MYO15B: variants seen among roughly 807,000 people sequenced by gnomAD.
The protein encoded by MYO15B is myosin XVB, also known as myosin XVB pseudogene.
In MYO15B, 207 loss-of-function variants were observed where a neutral mutation model predicts 119.3. That is an observed-to-expected ratio of 1.73 (90% CI 1.55 to 1.95). The LOEUF (loss-of-function observed/expected upper bound fraction) is 1.95, where lower values mean the gene tolerates loss of function less well. Ranked by LOEUF, MYO15B falls within the 30% of genes most tolerant of loss-of-function variation. The pLI, the probability that MYO15B is intolerant of heterozygous loss-of-function variation, is 0.00. For missense variants in MYO15B, 2,264 were observed against 1,203.1 expected, an observed-to-expected ratio of 1.88 and a Z score of -13.04; for synonymous variants, 966 against 498.9, an observed-to-expected ratio of 1.94 and a Z score of -12.48.
intron 21 of MYO15B, among the ~76,000 whole-genome samples, chr17:75,606,523 G>T (rs1307048478): frequency 6.6e-6 from 1 of 151,690 alleles, no homozygotes; most frequent in Non-Finnish European, 1.5e-5. Flanking sequence ...GCCCAGGCTG[G>T]AGTGTAATGG....
In MYO15B at chr17:75,624,629, C is replaced by CAAAG; in HGVS notation, c.8534_8537dup (p.Lys2847ArgfsTer41). The CAAAG allele has an allele frequency of 2.8e-6, 2 of 702,926 alleles. No individual in the cohort carries two copies. The highest frequency in any genetic ancestry group is 5.2e-6 in the Non-Finnish European group (2 of 384,980). The allele number at this position is 702,926 out of a possible 1,614,324, so 43.5% of individuals were successfully genotyped here. A position where few individuals can be genotyped will look rare whatever the true frequency, so the allele number is the denominator to read the frequency against. On this transcript the variant is annotated frameshift_variant, in exon 58 of 64. Coordinates refer to ENST00000645453, the Ensembl canonical transcript of MYO15B. LOFTEE classifies it high-confidence loss of function. The stretch of plus-strand genomic sequence containing the variant: ...TGCAGGAATTCGCCCTCTTCCTCAT[C>CAAAG]AAAGAGAAGAGTAAGCTTGGGGACG...
chr17:75,602,361 A>G, intron 15 of MYO15B, 156 bp from the exon 16 acceptor site: 1 of 700,248 alleles, frequency 1.4e-6, no homozygotes, highest in South Asian at 1.5e-5. Context: ...CCAGTGGCAG[A>G]CCCAAGGCTA....
At chr17:75,601,529 C>A (rs1280023148) in exon 15 of MYO15B, 1 of 703,062 alleles carries the variant, frequency 1.4e-6, no homozygotes, top group Non-Finnish European at 2.6e-6. Context: ...CCCGTGTTCA[C>A]CGTGCGACAT....
At chr17:75,610,095 G>C (rs1159253995) in intron 21 of MYO15B, 71 bp from the exon 22 acceptor site, 1 of 617,806 alleles carries the variant, frequency 1.6e-6, no homozygotes, top group African/African-American at 1.9e-5. Flanking sequence ...CAGGCTTAAG[G>C]GATTCCAGTG....
In MYO15B at chr17:75,624,599, G is replaced by A. The variant is rs756775415; in HGVS notation, c.8502G>A (p.Gln2834=). The A allele has an allele frequency of 1.1e-5, 8 of 702,958 alleles. No individual in the cohort carries two copies. In the South Asian group the frequency reaches 1.2e-4, roughly 10 times the overall value. The allele number at this position is 702,958 out of a possible 1,614,324, so 43.5% of individuals were successfully genotyped here. A position where few individuals can be genotyped will look rare whatever the true frequency, so the allele number is the denominator to read the frequency against. The change falls in exon 58 of 64, where the codon CAG becomes CAA. Residue 2834 remains glutamine, a synonymous_variant. Transcript: ENST00000645453. Reference sequence around the variant, plus strand: ...GGCAAATGGGTATCACGGAGCCTCAGGAAGTGCAGGAATTCGCCCTCTTCC... The same window carrying A: ...GGCAAATGGGTATCACGGAGCCTCAAGAAGTGCAGGAATTCGCCCTCTTCC...
chr17:75,619,432 C>T lies in MYO15B; in HGVS notation c.7138C>T (p.Arg2380Trp), dbSNP rs967140382. The T allele has an allele frequency of 3.6e-5, 25 of 702,518 alleles. No individual in the cohort carries two copies. In the Middle Eastern group the frequency reaches 6.8e-4, roughly 19 times the overall value. The allele number at this position is 702,518 out of a possible 1,614,324, so 43.5% of individuals were successfully genotyped here. Residue 2380 changes from arginine (R) to tryptophan (W), a missense_variant, in exon 45 of 64, where the codon CGG becomes TGG. Coordinates refer to ENST00000645453, the Ensembl canonical transcript of MYO15B. ...CAAGAAGCGCATCGTGGTGGCCGCT[C>T]GGGACAACTGGGCCAATTACTTCTC...
At position 75,592,498 on chromosome 17, in the gene MYO15B, G is replaced by A. The variant is rs556404022; in HGVS notation, c.2786G>A (p.Arg929Gln). The change falls in exon 8 of 64, where the codon CGG becomes CAG. Residue 929 changes from arginine to glutamine, a missense_variant. Transcript: ENST00000645453. ...GGGCTGGACTCCATAGAGCGGGAGC[G>A]GCTCTCCCTGCAGGGACCGGAGACT... 5.8e-4 allele frequency: 352 copies of A among 607,408 alleles called. 1 individual carries two copies. Among genetic ancestry groups the A allele is most frequent in the South Asian group, 1.4e-3 (72 of 51,750 alleles). 37.6% of individuals were successfully genotyped at this position (607,408 alleles called of 1,614,324 possible). A position where few individuals can be genotyped will look rare whatever the true frequency, so the allele number is the denominator to read the frequency against.
chr17:75,606,966 C>T, intron 21 of MYO15B: 2 of 398,558 alleles, frequency 5.0e-6, no homozygotes, highest in Non-Finnish European at 8.8e-6. Flanking sequence ...CAGCTGTTGG[C>T]TGACCGTCTG....
Position 75,622,100 on chromosome 17 carries a change from C to T in MYO15B, c.8082+20C>T, listed in dbSNP as rs960906144. On this transcript the variant is annotated intron_variant, in intron 53 of 63. Transcript: ENST00000645453. ...CTGAAGGTAAGCCTGGGCTGTGCGA[C>T]CCCCAGCGCCTGTGCCTGTCCTCCT... 1.6e-5 allele frequency: 11 copies of T among 702,684 alleles called. No homozygotes were observed. The highest frequency in any genetic ancestry group is 8.9e-5 in the South Asian group (6 of 67,580). 43.5% of individuals were successfully genotyped at this position (702,684 alleles called of 1,614,324 possible).
chr17:75,613,779 T>C lies in MYO15B; in HGVS notation c.5219+2T>C, dbSNP rs1333603644. ...GGCTGGGTGGATCCTGCAGAGCAGG[T>C]ATGGGGACCGGGGATGGGGGACAGT... On this transcript the variant is annotated splice_donor_variant, in intron 29 of 63. Transcript: ENST00000645453. LOFTEE classifies it high-confidence loss of function. 2 of 700,798 alleles carry C rather than the reference T, an allele frequency of 2.9e-6. No individual in the cohort carries two copies. 43.4% of individuals were successfully genotyped at this position (700,798 alleles called of 1,614,324 possible).
intron 9 of MYO15B, among the ~76,000 whole-genome samples, chr17:75,593,630 A>C (rs1390533840): frequency 6.6e-6 from 1 of 151,214 alleles, no homozygotes; most frequent in Non-Finnish European, 1.5e-5. Context: ...AAAAAAAAAA[A>C]CAAAACAGAC....
chr17:75,613,002 T>C (rs1211693460), exon 27 of MYO15B: 1 of 694,136 alleles, frequency 1.4e-6, no homozygotes, highest in East Asian at 2.7e-5. Context: ...GACGGATCCC[T>C]GGAGTCCTGG....
intron 4 of MYO15B, 21 bp downstream of exon 4, chr17:75,591,267 G>A: frequency 1.4e-6 from 1 of 702,420 alleles, no homozygotes; most frequent in Non-Finnish European, 2.6e-6. Flanking sequence ...GCCTTCCTGG[G>A]TGGCTGAACC....
exon 63 of MYO15B, chr17:75,626,206 C>CCAT (rs1006720096): frequency 1.0e-5 from 7 of 702,962 alleles, no homozygotes; most frequent in African/African-American, 3.5e-5. Flanking sequence ...AACCCCCAGA[C>CCAT]CATCTGGTTT....
intron 14 of MYO15B, 109 bp downstream of exon 14, chr17:75,597,008 C>G: frequency 1.7e-6 from 1 of 598,004 alleles, no homozygotes. Context: ...GTTATGGGAT[C>G]CAGCGACCCT....
exon 31 of MYO15B, chr17:75,614,657 C>T (rs1431884520): frequency 2.9e-6 from 2 of 701,290 alleles, no homozygotes; most frequent in Non-Finnish European, 5.2e-6. Context: ...GGTCCAGCCC[C>T]AACGCTGCCC....
rs1024187903 is a variant in MYO15B, at chr17:75,614,760, C to T, written c.5483-13C>T. 4 of 702,720 alleles carry T rather than the reference C, an allele frequency of 5.7e-6. No individual in the cohort carries two copies. The highest frequency in any genetic ancestry group is 5.4e-5 in the East Asian group (2 of 37,304). The allele number at this position is 702,720 out of a possible 1,614,324, so 43.5% of individuals were successfully genotyped here. On this transcript the variant is annotated splice_polypyrimidine_tract_variant and intron_variant, in intron 31 of 63. Coordinates refer to ENST00000645453, the Ensembl canonical transcript of MYO15B. ...CCCCGGGCCATGGCTCCAACCCTCTCCCTGCCCCACAGGGGAGGTCCAGAG... is the reference window on the plus strand; with the variant it reads ...CCCCGGGCCATGGCTCCAACCCTCTTCCTGCCCCACAGGGGAGGTCCAGAG...
chr17:75,605,983 GC>G lies in MYO15B; in HGVS notation c.4258del (p.Arg1420GlyfsTer25). On this transcript the variant is annotated frameshift_variant, in exon 21 of 64. Transcript: ENST00000645453. LOFTEE classifies it high-confidence loss of function. ...CCTGCATCTCCCGCCAGCGCGTCCT[GC>G]CCCGGATGCAGGCTCGCATGCGTGG... 1 of 701,992 alleles carries G rather than the reference GC, an allele frequency of 1.4e-6. No individual in the cohort carries two copies. Among genetic ancestry groups the G allele is most frequent in the Non-Finnish European group, 2.6e-6 (1 of 384,424 alleles). 43.5% of individuals were successfully genotyped at this position (701,992 alleles called of 1,614,324 possible). A position where few individuals can be genotyped will look rare whatever the true frequency, so the allele number is the denominator to read the frequency against.
Position 75,591,357 on chromosome 17 carries a change from C to T in MYO15B, c.2435+111C>T, listed in dbSNP as rs1379490367. ...ACTGGTATGCTCCACTGCTGGGCTA[C>T]AGTTCTGGACTCCTCAGGGCCGAGC... On this transcript the variant is annotated intron_variant, in intron 4 of 63. Coordinates refer to ENST00000645453, the Ensembl canonical transcript of MYO15B. 3 of 643,600 alleles carry T rather than the reference C, an allele frequency of 4.7e-6. No homozygotes were observed. In the East Asian group the frequency reaches 8.2e-5, roughly 17 times the overall value. The allele number at this position is 643,600 out of a possible 1,614,324, so 39.9% of individuals were successfully genotyped here.
Sources: gnomAD v4.1 joint callset for allele counts (sites outside exome capture counted in the v4.1 genomes callset) on GRCh38, gnomAD v4.1.1 for gene constraint, MANE v1.5 for transcripts, NCBI Gene and HGNC (gene_info 2026-07-23, HGNC 2026-07-21) for gene names.